The following CALN1 variants were observed in gnomAD, a reference collection of about 807,000 sequenced individuals.
The protein encoded by CALN1 is calcium-binding protein 8.
In CALN1, 17 loss-of-function variants were observed where a neutral mutation model predicts 30.6. The observed-to-expected ratio is 0.56, with a 90% CI of 0.38 to 0.83. The LOEUF is 0.83. Ranked by LOEUF, CALN1 falls within the 40% of genes least tolerant of loss-of-function variation. CALN1 has a pLI of 0.00. For missense variants in CALN1, 291 were observed against 354.9 expected, an observed-to-expected ratio of 0.82 and a Z score of 1.45; for synonymous variants, 156 against 131.4, an observed-to-expected ratio of 1.19 and a Z score of -1.28.
At chr7:72,132,032 G>A (rs774112098) in intron 3 of CALN1, among the ~76,000 whole-genome samples, 7 of 151,974 alleles carry the variant, frequency 4.6e-5, no homozygotes, top group Non-Finnish European at 8.8e-5. Flanking sequence ...TCCTCCAGTC[G>A]CTCAATGTAT....
intron 3 of CALN1, among the ~76,000 whole-genome samples, chr7:72,206,633 G>A (rs548747019): frequency 1.3e-5 from 2 of 151,222 alleles, no homozygotes; most frequent in African/African-American, 4.9e-5. Context: ...TTGTTTCATT[G>A]CCTAAAATCC....
chr7:72,217,658 A>G (rs10227704), intron 3 of CALN1, among the ~76,000 whole-genome samples: 86,716 of 151,064 alleles, frequency 0.57, 25,246 homozygotes, highest in African/African-American at 0.67. Context: ...AACCAGAAAG[A>G]CCCAACTGAC....
At chr7:71,973,671 A>AT (rs749443209) in intron 5 of CALN1, among the ~76,000 whole-genome samples, 10 of 152,216 alleles carry the variant, frequency 6.6e-5, no homozygotes, top group Non-Finnish European at 1.2e-4. Flanking sequence ...CTCATTAAGA[A>AT]TTTTAGATTT....
At chr7:71,949,852 C>A (rs555154769) in intron 5 of CALN1, among the ~76,000 whole-genome samples, 1 of 151,862 alleles carries the variant, frequency 6.6e-6, no homozygotes, top group South Asian at 2.1e-4. Context: ...AGCTCCGCCT[C>A]CCGGGTTCAC....
intron 2 of CALN1, among the ~76,000 whole-genome samples, chr7:72,368,391 G>A (rs1804010054): frequency 6.6e-6 from 1 of 151,674 alleles, no homozygotes; most frequent in African/African-American, 2.4e-5. Context: ...TGGCAGGAAG[G>A]ATGTCGGCAG....
At chr7:72,296,182 T>G (rs961508530) in intron 2 of CALN1, among the ~76,000 whole-genome samples, 1 of 151,570 alleles carries the variant, frequency 6.6e-6, no homozygotes, top group Non-Finnish European at 1.5e-5. Context: ...TTTGCGTATA[T>G]TGAACCAGCC....
At chr7:72,031,940 G>A (rs1162355998) in intron 4 of CALN1, among the ~76,000 whole-genome samples, 10 of 150,156 alleles carry the variant, frequency 6.7e-5, no homozygotes, top group Non-Finnish European at 1.5e-4. Flanking sequence ...ACAGGGTTTT[G>A]CCATGTTGGC....
At chr7:71,983,614 C>G (rs1188341107) in intron 5 of CALN1, among the ~76,000 whole-genome samples, 1 of 152,116 alleles carries the variant, frequency 6.6e-6, no homozygotes, top group Non-Finnish European at 1.5e-5. Context: ...TCACTGCAGC[C>G]TCTGCCTCCT....
At position 71,801,536 on chromosome 7, in the gene CALN1, G is replaced by C. The variant is rs114558042; in HGVS notation, c.658+8800C>G. Among the ~76,000 whole-genome samples the C allele has an allele frequency of 5.5e-3, 835 of 151,864 alleles. 4 individuals are homozygous for C. Among genetic ancestry groups the C allele is most frequent in the African/African-American group, 0.019 (791 of 41,424 alleles). On this transcript the variant is annotated intron_variant, in intron 6 of 6. Coordinates refer to ENST00000395275, the MANE Select transcript of CALN1 (RefSeq NM_031468.4). ...AAATTCTTAGCCACTATTTGACTTG[G>C]GAAAAATGACTTCACTTTGTGGAGC...
chr7:71,837,446 C>T (rs1257362828), intron 5 of CALN1, among the ~76,000 whole-genome samples: 6 of 152,112 alleles, frequency 3.9e-5, no homozygotes, highest in African/African-American at 1.4e-4. Flanking sequence ...GAAAACCCTT[C>T]TGGGACAATC....
chr7:72,403,133 G>A (rs1250046866), intron 2 of CALN1, 118 bp downstream of exon 2: 4 of 688,492 alleles, frequency 5.8e-6, no homozygotes, highest in South Asian at 4.0e-5. Flanking sequence ...CCATTTCATA[G>A]ATTCTCCTCT....
At chr7:72,015,001 A>C (rs1039943748) in intron 5 of CALN1, among the ~76,000 whole-genome samples, 1 of 152,172 alleles carries the variant, frequency 6.6e-6, no homozygotes, top group Admixed American at 6.5e-5. Context: ...CTAATAGTAT[A>C]AGTTAGTATT....
At chr7:72,374,506 G>A (rs1315850874) in intron 2 of CALN1, among the ~76,000 whole-genome samples, 1 of 149,174 alleles carries the variant, frequency 6.7e-6, no homozygotes, top group Non-Finnish European at 1.5e-5. Context: ...ACTCCAGTCT[G>A]GGTGACAGAG....
At chr7:72,230,766 CGTATTCT>C (rs1481281955) in intron 3 of CALN1, among the ~76,000 whole-genome samples, 1 of 152,126 alleles carries the variant, frequency 6.6e-6, no homozygotes, top group Non-Finnish European at 1.5e-5. Context: ...ATAATAAATT[CGTATTCT>C]GTTAAGCCGC....
At chr7:72,151,844 T>C (rs1787273116) in intron 3 of CALN1, among the ~76,000 whole-genome samples, 1 of 152,066 alleles carries the variant, frequency 6.6e-6, no homozygotes, top group Non-Finnish European at 1.5e-5. Context: ...CCCGAGTAGC[T>C]GGGACTACAG....
At chr7:71,848,246 G>A (rs1790435206) in intron 5 of CALN1, among the ~76,000 whole-genome samples, 1 of 152,216 alleles carries the variant, frequency 6.6e-6, no homozygotes. Flanking sequence ...ACAGTCAGAA[G>A]ATGGGATGAT....
intron 3 of CALN1, among the ~76,000 whole-genome samples, chr7:72,107,909 C>T (rs755784423): frequency 5.9e-5 from 9 of 152,198 alleles, no homozygotes; most frequent in East Asian, 3.9e-4. Context: ...ACTCTTCAAA[C>T]GCATACAAGC....
chr7:71,817,074 A>G (rs1317142482), intron 5 of CALN1, among the ~76,000 whole-genome samples: 3 of 152,176 alleles, frequency 2.0e-5, no homozygotes, highest in Non-Finnish European at 4.4e-5. Flanking sequence ...AGCATTCCAT[A>G]TATCACCTAT....
chr7:72,457,193 A>G, the CALN1 span, among the ~76,000 whole-genome samples: 1 of 151,882 alleles, frequency 6.6e-6, no homozygotes, highest in African/African-American at 2.4e-5. Context: ...CATTTTTAGT[A>G]GAGATGTGGT....
Sources: allele counts gnomAD v4.1 joint callset (sites outside exome capture counted in the v4.1 genomes callset), GRCh38; gene constraint gnomAD v4.1.1; transcripts MANE v1.5; gene names NCBI Gene and HGNC (gene_info 2026-07-23, HGNC 2026-07-21).